Variants in NIPBL observed in about 807,000 individuals in gnomAD.
NIPBL encodes NIPBL cohesin loading factor, also known as nipped-B-like protein.
NIPBL carries 19 observed loss-of-function variants against 321.8 expected under a neutral mutation model. That is an observed-to-expected ratio of 0.06 (90% CI 0.04 to 0.09). The LOEUF (loss-of-function observed/expected upper bound fraction) is 0.09. Ranked by LOEUF, NIPBL falls within the 10% of genes least tolerant of loss-of-function variation. NIPBL has a pLI of 1.00. For synonymous variants in NIPBL, 1,106 were observed against 1,114.1 expected, an observed-to-expected ratio of 0.99 and a Z score of 0.14; for missense variants, 2,210 against 3,327.0, an observed-to-expected ratio of 0.66 and a Z score of 8.26.
intron 42 of NIPBL, among the ~76,000 whole-genome samples, chr5:37,053,571 C>G (rs1051587366): frequency 6.6e-6 from 1 of 152,058 alleles, no homozygotes; most frequent in Non-Finnish European, 1.5e-5. Flanking sequence ...TCAAAATACC[C>G]TGTTGTAGTT....
At chr5:36,908,442 C>A (rs1329653142) in intron 1 of NIPBL, among the ~76,000 whole-genome samples, 2 of 140,102 alleles carry the variant, frequency 1.4e-5, no homozygotes, top group African/African-American at 2.8e-5. Flanking sequence ...AGAAACAAGT[C>A]TTGAGATTTG....
At chr5:36,906,917 A>G (rs1300982260) in intron 1 of NIPBL, among the ~76,000 whole-genome samples, 1 of 152,208 alleles carries the variant, frequency 6.6e-6, no homozygotes, top group African/African-American at 2.4e-5. Context: ...CCCAGCCCCT[A>G]AAGATACACT....
chr5:36,898,347 C>T (rs1561361611), intron 1 of NIPBL, among the ~76,000 whole-genome samples: 1 of 151,986 alleles, frequency 6.6e-6, no homozygotes, highest in African/African-American at 2.4e-5. Flanking sequence ...AAAAATTCAT[C>T]AAATGCTTTA....
chr5:37,039,525 TTTA>T (rs1752094811), intron 34 of NIPBL, among the ~76,000 whole-genome samples: 1 of 152,064 alleles, frequency 6.6e-6, no homozygotes, highest in South Asian at 2.1e-4. Flanking sequence ...TGTCATTTGC[TTTA>T]TGAAGTAGGT....
chr5:36,943,808 C>T (rs1036905043), intron 1 of NIPBL, among the ~76,000 whole-genome samples: 1 of 152,054 alleles, frequency 6.6e-6, no homozygotes, highest in East Asian at 1.9e-4. Flanking sequence ...AGCAGAAAAA[C>T]TAGGAGAATG....
chr5:36,902,654 T>C (rs369909513), intron 1 of NIPBL, among the ~76,000 whole-genome samples: 5 of 152,210 alleles, frequency 3.3e-5, no homozygotes, highest in East Asian at 3.9e-4. Context: ...AGCCTTTTAG[T>C]ATAGTTTGAA....
In NIPBL at chr5:36,996,851, C is replaced by A; in HGVS notation, c.3304+1047C>A. The A allele has an allele frequency of 5.7e-6, 1 of 175,244 alleles. No homozygotes were observed. The highest frequency in any genetic ancestry group is 1.2e-5 in the Non-Finnish European group (1 of 82,212). 10.9% of individuals were successfully genotyped at this position (175,244 alleles called of 1,614,324 possible). On this transcript the variant is annotated intron_variant, in intron 11 of 46. Coordinates refer to ENST00000282516, the MANE Select transcript of NIPBL (RefSeq NM_133433.4). This position sits in a 1 kb window ranked among gnomAD's most constrained non-coding sequence, Gnocchi z 5.0. ...TGCTGCCATTTTTAAATGTATATTGCTGATGGAAGCCCTTCACCTCCTCCA... is the reference window on the plus strand; with the variant it reads ...TGCTGCCATTTTTAAATGTATATTGATGATGGAAGCCCTTCACCTCCTCCA...
intron 1 of NIPBL, among the ~76,000 whole-genome samples, chr5:36,947,193 G>GT (rs1739783455): frequency 6.6e-6 from 1 of 151,968 alleles, no homozygotes; most frequent in Non-Finnish European, 1.5e-5. Context: ...TAATGTAACT[G>GT]TTATCAACCC....
At position 36,876,867 on chromosome 5, in the gene NIPBL, C is replaced by A. The variant is rs1580120036; in HGVS notation, c.-391C>A. On this transcript the variant is annotated 5_prime_UTR_variant, in exon 1 of 47. Transcript: ENST00000282516. ...CTCCCTCCGTCGGTACCGACTCACC[C>A]GACACCACCAAGCCGCAGGGAGGGA... 2.6e-6 allele frequency: 1 copy of A among 389,848 alleles called. No homozygotes were observed. The highest frequency in any genetic ancestry group is 2.1e-5 in the African/African-American group (1 of 47,274). 24.1% of individuals were successfully genotyped at this position (389,848 alleles called of 1,614,324 possible).
At chr5:37,000,670 AT>A in intron 12 of NIPBL, 100 bp downstream of exon 12, 1 of 1,359,930 alleles carries the variant, frequency 7.4e-7, no homozygotes, top group South Asian at 1.2e-5. Context: ...TTAATAACTA[AT>A]TTTCAATTAA....
At position 37,020,821 on chromosome 5, in the gene NIPBL, C is replaced by A. The variant is rs587783965; in HGVS notation, c.5272C>A (p.Arg1758=). ...CTATGATGATGCTTGCTTGATTGTT[C>A]GATACTTGGCCTCCATGAGGCCGTT... ...VDYDDACLIV[R]YLASMRPFAQ... The change falls in exon 27 of 47, where the codon CGA becomes AGA. Residue 1758 remains arginine (R), a synonymous_variant. Coordinates refer to ENST00000282516, the MANE Select transcript of NIPBL (RefSeq NM_133433.4). 6.2e-7 allele frequency: 1 copy of A among 1,613,982 alleles called. No homozygotes were observed.
At chr5:36,995,283 A>G (rs967922692) in intron 10 of NIPBL, 1 of 207,620 alleles carries the variant, frequency 4.8e-6, no homozygotes, top group Non-Finnish European at 9.6e-6. Context: ...TCTTACCACA[A>G]ATCCACTTGC....
rs1742889584 is a variant in NIPBL at position 36,971,941 on chromosome 5, T to G, written c.772-4T>G. On this transcript the variant is annotated splice_region_variant and splice_polypyrimidine_tract_variant and intron_variant, in intron 7 of 46. Coordinates refer to ENST00000282516, the MANE Select transcript of NIPBL (RefSeq NM_133433.4). ...AAAAGATAAATTGTATACTCTATTT[T>G]TAGGATGGAGATTCTTCAACAATGA... 2 of 1,610,906 alleles carry G rather than the reference T, an allele frequency of 1.2e-6. No homozygotes were observed. The highest frequency in any genetic ancestry group is 1.7e-6 in the Non-Finnish European group (2 of 1,177,358).
chr5:36,910,142 A>G (rs1489018621), intron 1 of NIPBL, among the ~76,000 whole-genome samples: 1 of 152,080 alleles, frequency 6.6e-6, no homozygotes, highest in Non-Finnish European at 1.5e-5. Flanking sequence ...GTGTGTATGG[A>G]TAAGTAAGGC....
chr5:36,987,717 T>G (rs1561121383), intron 10 of NIPBL, among the ~76,000 whole-genome samples: 1 of 152,208 alleles, frequency 6.6e-6, no homozygotes, highest in African/African-American at 2.4e-5. Flanking sequence ...TTGTGTTCTT[T>G]GAGTGAAGCT....
intron 1 of NIPBL, among the ~76,000 whole-genome samples, chr5:36,889,580 A>G (rs908872773): frequency 1.3e-5 from 2 of 152,198 alleles, no homozygotes; most frequent in African/African-American, 2.4e-5. Flanking sequence ...TATAATTTAC[A>G]ATAAGCTTGT....
At chr5:36,885,846 A>G in intron 1 of NIPBL, 1 of 701,386 alleles carries the variant, frequency 1.4e-6, no homozygotes, top group Non-Finnish European at 2.6e-6. Flanking sequence ...TTAATGAAGG[A>G]GAACCACGAA....
rs1009263507 is a variant in NIPBL at position 36,891,699 on chromosome 5, C to T, written c.-80+14521C>T. On this transcript the variant is annotated intron_variant, in intron 1 of 46. Transcript: ENST00000282516. ...AGAATTCTGTGTTTTATTTTAAAGA[C>T]GAGAAGCCAGGAAGTTATTTAGTAA... Among the ~76,000 whole-genome samples, 11 of 152,036 alleles carry T rather than the reference C, an allele frequency of 7.2e-5. No individual in the cohort carries two copies. The South Asian group carries it at 8.3e-4, about 12-fold the overall frequency.
chr5:36,962,074 G>A (rs377385598), intron 5 of NIPBL, 49 bp from the exon 6 acceptor site: 20 of 1,597,244 alleles, frequency 1.3e-5, no homozygotes, highest in Middle Eastern at 3.3e-4. Flanking sequence ...AAGGAATAGC[G>A]TGTTTATTTT....
Sources: gnomAD v4.1 joint callset for allele counts (sites outside exome capture counted in the v4.1 genomes callset) on GRCh38, gnomAD v4.1.1 for gene constraint, Gnocchi (gnomAD v3.1) non-coding constraint, MANE v1.5 for transcripts, NCBI Gene and HGNC (gene_info 2026-07-23, HGNC 2026-07-21) for gene names.